Variants in ANK1 observed in about 807,000 individuals in gnomAD.
ANK1 encodes ankyrin-1.
A neutral mutation model predicts 210.4 loss-of-function variants in ANK1; 51 were observed. That is an observed-to-expected ratio of 0.24 (90% CI 0.19 to 0.31). The LOEUF is 0.31. Among genes scored for constraint, ANK1 ranks in the 10% least tolerant of loss-of-function variants. ANK1 has a pLI of 1.00. For missense variants in ANK1, 2,051 were observed against 2,504.4 expected (o/e 0.82, Z 3.86); for synonymous variants, 967 against 1,025.9 (o/e 0.94, Z 1.10).
chr8:41,769,094 A>G (rs1195593082), intron 1 of ANK1, among the ~76,000 whole-genome samples: 1 of 152,250 alleles, frequency 6.6e-6, no homozygotes, highest in African/African-American at 2.4e-5. Context: ...AAAGATCAAG[A>G]GAAAAGGCCA....
chr8:41,716,720 C>T (rs1344318046), intron 13 of ANK1, among the ~76,000 whole-genome samples: 2 of 152,208 alleles, frequency 1.3e-5, no homozygotes, highest in African/African-American at 4.8e-5. Context: ...AGGCCAGCCA[C>T]GCACCTTGGA....
intron 37 of ANK1, among the ~76,000 whole-genome samples, chr8:41,677,955 A>G (rs1438326482): frequency 6.6e-6 from 1 of 152,036 alleles, no homozygotes. Context: ...TGTACATAAC[A>G]CATTTTTTTC....
intron 1 of ANK1, among the ~76,000 whole-genome samples, chr8:41,887,026 C>T (rs1413336512): frequency 1.3e-5 from 2 of 152,082 alleles, no homozygotes; most frequent in Non-Finnish European, 2.9e-5. Context: ...CAGTACATTC[C>T]GTTACCTACT....
At chr8:41,681,985 C>T (rs933141148) in intron 37 of ANK1, among the ~76,000 whole-genome samples, 8 of 152,310 alleles carry the variant, frequency 5.3e-5, no homozygotes, top group Non-Finnish European at 8.8e-5. Context: ...ACAGAACATT[C>T]GACTGTGACC....
At chr8:41,693,474 G>A (rs1819886282) in intron 29 of ANK1, among the ~76,000 whole-genome samples, 1 of 119,304 alleles carries the variant, frequency 8.4e-6, no homozygotes, top group South Asian at 2.7e-4. Context: ...TTTCATGCTT[G>A]TTGCCCAGGC....
intron 1 of ANK1, among the ~76,000 whole-genome samples, chr8:41,758,542 A>G (rs1448213014): frequency 6.6e-6 from 1 of 151,526 alleles, no homozygotes. Context: ...GGGCATCACT[A>G]TGTTGCTCAG....
Position 41,803,078 on chromosome 8 carries a change from A to AGGAAGGAAG in ANK1, c.127-44942_127-44941insCTTCCTTCC, listed in dbSNP as rs1554630992. Among the ~76,000 whole-genome samples, 179 of 74,984 alleles carry AGGAAGGAAG rather than the reference A, an allele frequency of 2.4e-3. 6 individuals carry two copies. The highest frequency in any genetic ancestry group is 9.0e-3 in the African/African-American group (159 of 17,610). The allele number at this position is 74,984 out of a possible 152,430, so 49.2% of individuals were successfully genotyped here. On this transcript the variant is annotated intron_variant, in intron 1 of 42. Coordinates refer to the ANK1 transcript ENST00000265709. ...AAGAGAGAAAGGAAGGAAGGAAGGA[A>AGGAAGGAAG]GGAAGGGAAGGAAAGGAAAGGAAAG...
chr8:41,810,209 C>T (rs1208779246), intron 1 of ANK1, among the ~76,000 whole-genome samples: 1 of 152,312 alleles, frequency 6.6e-6, no homozygotes, highest in African/African-American at 2.4e-5. Context: ...CAGATCTGGG[C>T]GAGGTCTGCC....
At chr8:41,741,224 G>A (rs1474804080) in intron 2 of ANK1, among the ~76,000 whole-genome samples, 1 of 152,148 alleles carries the variant, frequency 6.6e-6, no homozygotes, top group South Asian at 2.1e-4. Flanking sequence ...TTCACATGAG[G>A]GAAAGATCTG....
chr8:41,721,558 G>A (rs1829262773), intron 9 of ANK1, among the ~76,000 whole-genome samples: 1 of 151,056 alleles, frequency 6.6e-6, no homozygotes, highest in South Asian at 2.1e-4. Flanking sequence ...TCGGGAAGCT[G>A]AGGCACGAGA....
At chr8:41,771,259 A>G (rs545566514) in intron 1 of ANK1, among the ~76,000 whole-genome samples, 15 of 152,332 alleles carry the variant, frequency 9.8e-5, no homozygotes, top group South Asian at 2.1e-4. Flanking sequence ...TGGCAGAAAA[A>G]AAAAACCTCA....
At chr8:41,872,903 G>C (rs552325715) in intron 1 of ANK1, among the ~76,000 whole-genome samples, 2 of 152,322 alleles carry the variant, frequency 1.3e-5, no homozygotes, top group East Asian at 3.9e-4. Context: ...GTAGGGTCCA[G>C]GTCTCTGTTG....
At chr8:41,745,875 T>C (rs1168849725) in intron 2 of ANK1, among the ~76,000 whole-genome samples, 1 of 152,122 alleles carries the variant, frequency 6.6e-6, no homozygotes, top group Non-Finnish European at 1.5e-5. Flanking sequence ...TGTTTTTTAA[T>C]GTTTAATTTT....
intron 1 of ANK1, among the ~76,000 whole-genome samples, chr8:41,842,528 CTCTGCCTTT>C (rs1477343797): frequency 6.6e-6 from 1 of 152,068 alleles, no homozygotes; most frequent in African/African-American, 2.4e-5. Flanking sequence ...GAAGCCCTGG[CTCTGCCTTT>C]TCTTAGCACA....
intron 1 of ANK1, among the ~76,000 whole-genome samples, chr8:41,783,938 C>T (rs1845835580): frequency 6.6e-6 from 1 of 152,008 alleles, no homozygotes; most frequent in African/African-American, 2.4e-5. Flanking sequence ...GTGGCATGCA[C>T]CTATAGTCCC....
intron 18 of ANK1, among the ~76,000 whole-genome samples, chr8:41,705,347 G>A (rs1394024328): frequency 6.6e-6 from 1 of 152,230 alleles, no homozygotes; most frequent in Non-Finnish European, 1.5e-5. Context: ...ACTAAACGGG[G>A]CCCGCAAGTG....
At chr8:41,721,549 C>T (rs925121597) in intron 9 of ANK1, among the ~76,000 whole-genome samples, 2 of 150,488 alleles carry the variant, frequency 1.3e-5, no homozygotes, top group African/African-American at 4.9e-5. Flanking sequence ...CCCAGCTACT[C>T]GGGAAGCTGA....
chr8:41,765,250 T>C (rs970083318), intron 1 of ANK1, among the ~76,000 whole-genome samples: 18 of 151,656 alleles, frequency 1.2e-4, no homozygotes, highest in Non-Finnish European at 1.9e-4. Context: ...TCCATTTCTT[T>C]CTTTCAAGAC....
intron 1 of ANK1, among the ~76,000 whole-genome samples, chr8:41,808,780 C>CAAT (rs893693089): frequency 1.8e-4 from 27 of 152,228 alleles, no homozygotes; most frequent in African/African-American, 6.0e-4. Flanking sequence ...CTAATTTAAA[C>CAAT]GTTACAGTTA....
Sources: allele counts gnomAD v4.1 joint callset (sites outside exome capture counted in the v4.1 genomes callset), GRCh38; gene constraint gnomAD v4.1.1; transcripts MANE v1.5; gene names NCBI Gene and HGNC (gene_info 2026-07-23, HGNC 2026-07-21).